Variants in PAX5 observed in about 807,000 individuals in gnomAD.
PAX5 encodes the protein paired box 5, also known as paired box protein Pax-5.
PAX5 carries 9 observed loss-of-function variants against 43.7 expected under a neutral mutation model. That is an observed-to-expected ratio of 0.21 (90% CI 0.12 to 0.36). The LOEUF is 0.36. PAX5 is among the 10% of genes least tolerant of loss of function. PAX5 has a pLI of 1.00. For missense variants in PAX5, 383 were observed against 532.7 expected (o/e 0.72, Z 2.77); for synonymous variants, 228 against 214.3 (o/e 1.06, Z -0.56).
chr9:36,889,878 C>T (rs1827222393), intron 7 of PAX5, among the ~76,000 whole-genome samples: 1 of 145,606 alleles, frequency 6.9e-6, no homozygotes, highest in Admixed American at 7.1e-5. Flanking sequence ...TGCTTAGACG[C>T]AACTTTTTCT....
chr9:36,844,934 C>G (rs915917766), intron 9 of PAX5, among the ~76,000 whole-genome samples: 3 of 152,246 alleles, frequency 2.0e-5, no homozygotes, highest in African/African-American at 7.2e-5. Flanking sequence ...CTTGAATTCC[C>G]AGGCAAATAA....
chr9:36,966,480 T>A, intron 6 of PAX5, 69 bp downstream of exon 6: 1 of 1,543,018 alleles, frequency 6.5e-7, no homozygotes, highest in Non-Finnish European at 8.9e-7. Context: ...CAGATGCCTC[T>A]GCCTTCAGGA....
chr9:37,011,486 TAGA>T (rs929395103), intron 3 of PAX5, among the ~76,000 whole-genome samples: 2 of 152,130 alleles, frequency 1.3e-5, no homozygotes, highest in African/African-American at 4.8e-5. Context: ...GGTGCTGGAA[TAGA>T]AGAAGGAAGA....
Position 36,946,399 on chromosome 9 carries a change from T to C in PAX5, c.780+20150A>G, listed in dbSNP as rs142705057. ...AGAGATCAAGAGAAACCCGAGCAGC[T>C]GACCTCAGTGTGTAGTGCTGGAAAA... is the stretch of plus-strand genomic sequence containing the variant. On this transcript the variant is annotated intron_variant, in intron 6 of 9. Coordinates refer to ENST00000358127, the MANE Select transcript of PAX5 (RefSeq NM_016734.3). Among the ~76,000 whole-genome samples, 3 of 152,262 alleles carry C rather than the reference T, an allele frequency of 2.0e-5. No homozygotes were observed. The East Asian group carries it at 5.8e-4, about 29-fold the overall frequency.
At chr9:36,973,118 A>C (rs796573576) in intron 5 of PAX5, among the ~76,000 whole-genome samples, 90 of 81,416 alleles carry the variant, frequency 1.1e-3, no homozygotes, top group African/African-American at 4.9e-3. Context: ...AGGAAAGGAA[A>C]GGAAAGGAAA....
intron 6 of PAX5, among the ~76,000 whole-genome samples, chr9:36,934,958 T>C (rs1041910398): frequency 1.3e-5 from 2 of 152,214 alleles, no homozygotes; most frequent in African/African-American, 4.8e-5. Context: ...CCAGAGGTGC[T>C]TCCCAGGGTC....
chr9:36,892,346 G>A (rs1259538459), intron 7 of PAX5, among the ~76,000 whole-genome samples: 2 of 152,362 alleles, frequency 1.3e-5, no homozygotes, highest in South Asian at 2.1e-4. Context: ...AGGATGCAAA[G>A]ATGATAACAG....
In PAX5 at chr9:37,031,454, TACTC is replaced by T. The variant is rs534016795; in HGVS notation, c.46+2528_46+2531del. On this transcript the variant is annotated intron_variant, in intron 1 of 9. Transcript: ENST00000358127. ...TGGATGTCAATGCCCAGTGGGAAAG[TACTC>T]AATCCATCCAGGTCTGCCCGGATCT... Among the ~76,000 whole-genome samples the T allele has an allele frequency of 4.9e-4, 74 of 152,270 alleles. 1 individual carries two copies. The South Asian group carries it at 0.015, about 31-fold the overall frequency.
At chr9:36,843,362 A>T (rs936825138) in intron 9 of PAX5, among the ~76,000 whole-genome samples, 12 of 152,264 alleles carry the variant, frequency 7.9e-5, no homozygotes, top group African/African-American at 2.9e-4. Flanking sequence ...AGCTATTTGC[A>T]AGGCTGTGGG....
At chr9:36,926,491 T>G (rs1338755376) in intron 6 of PAX5, among the ~76,000 whole-genome samples, 3 of 152,232 alleles carry the variant, frequency 2.0e-5, no homozygotes, top group Non-Finnish European at 2.9e-5. Context: ...GGAAAAAGGT[T>G]GCTGTCTAGA....
At chr9:36,928,381 T>C (rs904690582) in intron 6 of PAX5, among the ~76,000 whole-genome samples, 1 of 152,190 alleles carries the variant, frequency 6.6e-6, no homozygotes, top group African/African-American at 2.4e-5. Context: ...GAGCCATTCC[T>C]GAACTCCACA....
chr9:36,902,090 C>T (rs1284208206), intron 7 of PAX5, among the ~76,000 whole-genome samples: 1 of 152,040 alleles, frequency 6.6e-6, no homozygotes, highest in Admixed American at 6.5e-5. Context: ...CTGTCCCTAT[C>T]CCCCCTCCCA....
chr9:36,970,528 C>T (rs972674326), intron 5 of PAX5, among the ~76,000 whole-genome samples: 13 of 152,090 alleles, frequency 8.5e-5, no homozygotes, highest in Non-Finnish European at 1.3e-4. Context: ...TCCCAGGGCC[C>T]GAATCGCTCG....
At chr9:36,863,891 A>ACT (rs1485313345) in intron 8 of PAX5, among the ~76,000 whole-genome samples, 2 of 152,206 alleles carry the variant, frequency 1.3e-5, no homozygotes, top group African/African-American at 2.4e-5. Context: ...TGGGCGGATC[A>ACT]GGAGGTCAGG....
intron 6 of PAX5, among the ~76,000 whole-genome samples, chr9:36,929,264 AGG>A (rs1280517026): frequency 7.6e-6 from 1 of 130,746 alleles, no homozygotes; most frequent in Non-Finnish European, 1.8e-5. Context: ...GAAGGAAGGA[AGG>A]AAGGAAGGAA....
intron 5 of PAX5, among the ~76,000 whole-genome samples, chr9:36,975,417 G>T (rs1470549740): frequency 6.7e-6 from 1 of 149,290 alleles, no homozygotes; most frequent in Non-Finnish European, 1.5e-5. Context: ...ACGGAGTCTT[G>T]CTCTGTTGCC....
intron 3 of PAX5, among the ~76,000 whole-genome samples, chr9:37,012,587 C>T (rs1166420406): frequency 6.6e-6 from 1 of 152,206 alleles, no homozygotes; most frequent in East Asian, 1.9e-4. Flanking sequence ...ATCAGCGGGC[C>T]CGTGATCTCT....
At chr9:36,958,621 CAA>C (rs1833699463) in intron 6 of PAX5, among the ~76,000 whole-genome samples, 3 of 152,150 alleles carry the variant, frequency 2.0e-5, no homozygotes, top group South Asian at 2.1e-4. Context: ...TATACCCTAG[CAA>C]TCGCCTCCTG....
intron 5 of PAX5, among the ~76,000 whole-genome samples, chr9:36,986,861 T>C (rs1836477448): frequency 1.3e-5 from 2 of 152,170 alleles, no homozygotes; most frequent in South Asian, 4.1e-4. Context: ...CGCTTCCTGC[T>C]CCTCTCATGC....
Sources: allele counts gnomAD v4.1 joint callset (sites outside exome capture counted in the v4.1 genomes callset), GRCh38; gene constraint gnomAD v4.1.1; transcripts MANE v1.5; gene names NCBI Gene and HGNC (gene_info 2026-07-23, HGNC 2026-07-21).